GPHN: variants seen among roughly 807,000 people sequenced by gnomAD.
The protein encoded by GPHN is gephyrin.
A neutral mutation model predicts 95.5 loss-of-function variants in GPHN; 17 were observed. The ratio of observed to expected loss-of-function variants is 0.18; its 90% confidence interval spans 0.12 to 0.27. The LOEUF is 0.27. Ranked by LOEUF, GPHN falls within the 10% of genes least tolerant of loss-of-function variation. GPHN has a pLI of 1.00. For missense variants in GPHN, 660 were observed against 978.1 expected (o/e 0.67, Z 4.34); for synonymous variants, 320 against 322.5 (o/e 0.99, Z 0.08).
chr14:67,098,509 A>G (rs1234138335), intron 12 of GPHN, among the ~76,000 whole-genome samples: 1 of 152,034 alleles, frequency 6.6e-6, no homozygotes, highest in Non-Finnish European at 1.5e-5. Flanking sequence ...TTGTGCAGGA[A>G]GTAAAAAAAA....
chr14:67,695,699 A>T, the GPHN span: 1 of 1,614,088 alleles, frequency 6.2e-7, no homozygotes, highest in South Asian at 1.1e-5. Flanking sequence ...CATGAGCTCA[A>T]CCATCTCTGC....
At chr14:66,588,235 G>T (rs1453176720) in intron 1 of GPHN, among the ~76,000 whole-genome samples, 1 of 151,384 alleles carries the variant, frequency 6.6e-6, no homozygotes, top group African/African-American at 2.4e-5. Flanking sequence ...CCATCCTAAG[G>T]TCACCAACAT....
chr14:67,359,468 G>A, the GPHN span, among the ~76,000 whole-genome samples: 1 of 152,046 alleles, frequency 6.6e-6, no homozygotes, highest in Admixed American at 6.5e-5. Context: ...GCTTCGTCCA[G>A]CCTGATTCAC....
At chr14:66,963,671 C>G (rs2069117278) in intron 8 of GPHN, among the ~76,000 whole-genome samples, 1 of 152,068 alleles carries the variant, frequency 6.6e-6, no homozygotes. Context: ...TATGACAATT[C>G]AGTACTCAAA....
At chr14:66,980,555 C>A (rs2070589519) in intron 9 of GPHN, among the ~76,000 whole-genome samples, 1 of 151,876 alleles carries the variant, frequency 6.6e-6, no homozygotes, top group Non-Finnish European at 1.5e-5. Context: ...TTTAATTATT[C>A]TCTAGTTAGT....
At chr14:66,661,378 C>T (rs909044208) in intron 1 of GPHN, among the ~76,000 whole-genome samples, 1 of 151,962 alleles carries the variant, frequency 6.6e-6, no homozygotes, top group Non-Finnish European at 1.5e-5. Context: ...GATCACCTAG[C>T]ACAGCAAAGC....
intron 1 of GPHN, among the ~76,000 whole-genome samples, chr14:66,650,279 G>T (rs1243384414): frequency 6.6e-6 from 1 of 152,134 alleles, no homozygotes; most frequent in Non-Finnish European, 1.5e-5. Flanking sequence ...TGCATTAGAA[G>T]ACAAGCCTTT....
intron 1 of GPHN, among the ~76,000 whole-genome samples, chr14:66,548,002 G>T (rs2140143284): frequency 6.6e-6 from 1 of 151,364 alleles, no homozygotes; most frequent in East Asian, 1.9e-4. Flanking sequence ...ACAAATTGAA[G>T]GTTTGTGGCA....
intron 5 of GPHN, among the ~76,000 whole-genome samples, chr14:66,888,907 G>A (rs2064332771): frequency 6.6e-6 from 1 of 151,986 alleles, no homozygotes; most frequent in Non-Finnish European, 1.5e-5. Context: ...CAGGCAAATA[G>A]TAACCAAAAG....
At chr14:67,411,056 A>G in the GPHN span, among the ~76,000 whole-genome samples, 216 of 147,778 alleles carry the variant, frequency 1.5e-3, 1 homozygote, top group African/African-American at 5.1e-3. Flanking sequence ...CTGAGGTGAG[A>G]GGACCACCTG....
At position 66,678,390 on chromosome 14, in the gene GPHN, T is replaced by A. The variant is rs190518835; in HGVS notation, c.65-2717T>A. On this transcript the variant is annotated intron_variant, in intron 1 of 22. Transcript: ENST00000478722. Reference sequence around the variant, plus strand: ...GTTGAAGCTTTCAATTGTATTTTTTTAATTTTAATCATTGAATTCTTGAGT... The same window carrying A: ...GTTGAAGCTTTCAATTGTATTTTTTAAATTTTAATCATTGAATTCTTGAGT... Among the ~76,000 whole-genome samples the A allele has an allele frequency of 1.5e-3, 231 of 152,072 alleles. 1 individual carries two copies. Among genetic ancestry groups the A allele is most frequent in the African/African-American group, 5.2e-3 (216 of 41,516 alleles).
chr14:66,709,035 T>C (rs1022888879), intron 2 of GPHN, among the ~76,000 whole-genome samples: 4 of 152,074 alleles, frequency 2.6e-5, no homozygotes, highest in Admixed American at 6.6e-5. Context: ...GATCCAAAGA[T>C]ATTAAAAAGA....
the GPHN span, among the ~76,000 whole-genome samples, chr14:67,500,569 T>G: frequency 1.3e-5 from 2 of 148,434 alleles, no homozygotes; most frequent in Non-Finnish European, 3.0e-5. Flanking sequence ...CCATGTGCAT[T>G]TGGATTTTTT....
At chr14:67,389,126 G>A in the GPHN span, among the ~76,000 whole-genome samples, 26 of 152,050 alleles carry the variant, frequency 1.7e-4, no homozygotes, top group East Asian at 1.5e-3. Context: ...TACACACCTC[G>A]TGCCTCAGGC....
chr14:66,558,376 C>T (rs539586248), intron 1 of GPHN, among the ~76,000 whole-genome samples: 1 of 152,114 alleles, frequency 6.6e-6, no homozygotes, highest in Non-Finnish European at 1.5e-5. Context: ...GAAGACAACA[C>T]TGATTACTGA....
chr14:66,817,302 T>A (rs1596004749), intron 3 of GPHN, among the ~76,000 whole-genome samples: 1 of 152,104 alleles, frequency 6.6e-6, no homozygotes, highest in Non-Finnish European at 1.5e-5. Flanking sequence ...TTTCTTAAAC[T>A]GAAAATTAAC....
At chr14:67,580,122 A>G in the GPHN span, 2 of 436,106 alleles carry the variant, frequency 4.6e-6, no homozygotes, top group African/African-American at 2.0e-5. Flanking sequence ...GTGGCTGTGC[A>G]GCGTCCAGAA....
chr14:67,380,191 G>C, the GPHN span, among the ~76,000 whole-genome samples: 1 of 152,160 alleles, frequency 6.6e-6, no homozygotes, highest in African/African-American at 2.4e-5. Context: ...CCTGGTCCCT[G>C]TCCTGTGGCA....
In GPHN at chr14:66,957,492, G is replaced by T. The variant is rs2068606195; in HGVS notation, c.829-7699G>T. On this transcript the variant is annotated intron_variant, in intron 8 of 22. Coordinates refer to ENST00000478722, the MANE Select transcript of GPHN (RefSeq NM_020806.5). ...ATTACAGGCATGAGCCACCGCACCTGGTCCCAAATTTCTTTCTGTTACTGA... is the reference window on the plus strand; with the variant it reads ...ATTACAGGCATGAGCCACCGCACCTTGTCCCAAATTTCTTTCTGTTACTGA... Among the ~76,000 whole-genome samples, 5 of 151,946 alleles carry T rather than the reference G, an allele frequency of 3.3e-5. No homozygotes were observed. In the South Asian group the frequency reaches 1.0e-3, roughly 32 times the overall value.
Sources: gnomAD v4.1 joint callset for allele counts (sites outside exome capture counted in the v4.1 genomes callset) on GRCh38, gnomAD v4.1.1 for gene constraint, MANE v1.5 for transcripts, NCBI Gene and HGNC (gene_info 2026-07-23, HGNC 2026-07-21) for gene names.